The following TRPM7 variants were observed in gnomAD, a reference collection of about 807,000 sequenced individuals.
The protein encoded by TRPM7 is transient receptor potential cation channel subfamily M member 7.
Under a neutral mutation model 229.7 loss-of-function variants are expected in TRPM7, and 134 were observed. The ratio of observed to expected loss-of-function variants is 0.58; its 90% CI spans 0.51 to 0.67. The LOEUF is 0.67. Ranked by LOEUF, TRPM7 falls within the 30% of genes least tolerant of loss-of-function variation. The probability of loss-of-function intolerance (pLI) is 0.00; values close to 1 mark genes in which losing one functional copy is unlikely to be tolerated. For missense variants in TRPM7, 1,901 were observed against 2,210.0 expected, an observed-to-expected ratio of 0.86 and a Z score of 2.80; for synonymous variants, 699 against 715.2, an observed-to-expected ratio of 0.98 and a Z score of 0.36.
At chr15:50,591,413 T>TAA (rs746671965) in intron 26 of TRPM7, among the ~76,000 whole-genome samples, 1 of 152,060 alleles carries the variant, frequency 6.6e-6, no homozygotes, top group Non-Finnish European at 1.5e-5. Flanking sequence ...AGACAGAACC[T>TAA]AAAATTCCAT....
chr15:50,575,250 G>T, intron 33 of TRPM7, 115 bp from the exon 34 acceptor site: 1 of 835,050 alleles, frequency 1.2e-6, no homozygotes, highest in Non-Finnish European at 1.8e-6. Flanking sequence ...AATGGACCAA[G>T]ATGTAGTTTT....
chr15:50,575,440 C>T (rs2054085064), intron 33 of TRPM7, among the ~76,000 whole-genome samples: 1 of 152,164 alleles, frequency 6.6e-6, no homozygotes, highest in Admixed American at 6.5e-5. Flanking sequence ...GTTTCATGGA[C>T]ACTGTGATGT....
chr15:50,643,171 C>A (rs1596289450), intron 5 of TRPM7, among the ~76,000 whole-genome samples, 169 bp downstream of exon 5: 1 of 152,110 alleles, frequency 6.6e-6, no homozygotes, highest in Non-Finnish European at 1.5e-5. Flanking sequence ...GGCCTGTAAT[C>A]CCAGCTACTC....
chr15:50,593,810 A>C, intron 24 of TRPM7, 61 bp from the exon 25 acceptor site: 5 of 1,508,744 alleles, frequency 3.3e-6, no homozygotes, highest in Non-Finnish European at 4.5e-6. Flanking sequence ...ACTTTAGCTC[A>C]TAATTCTTAC....
chr15:50,608,362 ATTTATTTCTAGACTTTTATG>A (rs1184160601), intron 19 of TRPM7, among the ~76,000 whole-genome samples: 1 of 41,938 alleles, frequency 2.4e-5, no homozygotes, highest in African/African-American at 1.0e-4. Flanking sequence ...TCTGTCTTTT[ATTTATTTCTAGACTTTTATG>A]TCTTGTCTCC....
At chr15:50,635,392 A>AATGGAT (rs1435386008) in intron 7 of TRPM7, among the ~76,000 whole-genome samples, 2 of 148,524 alleles carry the variant, frequency 1.3e-5, no homozygotes, top group Non-Finnish European at 3.0e-5. Flanking sequence ...AGAAAAAAGA[A>AATGGAT]ATGGCTCACG....
chr15:50,594,556 A>T lies in TRPM7; in HGVS notation c.3348T>A (p.Tyr1116Ter). The change falls in exon 24 of 39, where the codon TAT becomes TAA. Residue 1116 changes from tyrosine to a stop codon, truncating the protein, a stop_gained. Coordinates refer to ENST00000646667, the MANE Select transcript of TRPM7 (RefSeq NM_017672.6). LOFTEE classifies it high-confidence loss of function. ...TCTCATGATAAGCCATAATAAAATG[A>T]TAACGCTGGTACTTCCATACAATAT... Reference protein sequence around the residue: ...ISNIVWKYQRYHFIMAYHEKP... With the variant: ...ISNIVWKYQR The T allele has an allele frequency of 6.2e-7, 1 of 1,612,868 alleles. No individual in the cohort carries two copies. Among genetic ancestry groups the T allele is most frequent in the Non-Finnish European group, 8.5e-7 (1 of 1,179,340 alleles).
intron 27 of TRPM7, among the ~76,000 whole-genome samples, chr15:50,586,891 C>T (rs960310257): frequency 2.0e-5 from 3 of 152,136 alleles, no homozygotes; most frequent in Non-Finnish European, 2.9e-5. Flanking sequence ...TGGCGCATGC[C>T]TGTAGTCCCA....
chr15:50,655,352 G>C (rs1011021202), intron 3 of TRPM7, among the ~76,000 whole-genome samples: 1 of 148,568 alleles, frequency 6.7e-6, no homozygotes, highest in African/African-American at 2.5e-5. Context: ...AGAATTGCTT[G>C]AACCTGGGAG....
chr15:50,610,098 G>GA (rs972569566), intron 17 of TRPM7, 137 bp from the exon 18 acceptor site: 42 of 609,398 alleles, frequency 6.9e-5, no homozygotes, highest in African/African-American at 1.7e-4. Flanking sequence ...GCAGTAGAGG[G>GA]AAAAAAAACA....
chr15:50,575,034 A>G lies in TRPM7; in HGVS notation c.4837T>C (p.Phe1613Leu). ...SQLGLCAKIEFLSKEEMGGGL... is the reference protein window; with the variant it reads ...SQLGLCAKIELLSKEEMGGGL... ...CCTCCCATCTCCTCTTTGCTTAAAA[A>G]CTCTATTTTGGCACAGAGGCCTAGT... The change falls in exon 34 of 39, where the codon TTT becomes CTT. Residue 1613 changes from phenylalanine (F) to leucine (L), a missense_variant. By Grantham distance (22) the Phe-to-Leu change is conservative. Coordinates refer to ENST00000646667, the MANE Select transcript of TRPM7 (RefSeq NM_017672.6). 1 of 1,613,290 alleles carries G rather than the reference A, an allele frequency of 6.2e-7. No homozygotes were observed. The highest frequency in any genetic ancestry group is 8.5e-7 in the Non-Finnish European group (1 of 1,179,834).
At chr15:50,661,365 G>C (rs1471179482) in intron 2 of TRPM7, among the ~76,000 whole-genome samples, 1 of 152,062 alleles carries the variant, frequency 6.6e-6, no homozygotes, top group African/African-American at 2.4e-5. Context: ...TAAAACAAAA[G>C]CAATACACTG....
At chr15:50,654,421 T>A (rs1026748166) in intron 3 of TRPM7, among the ~76,000 whole-genome samples, 62 of 151,106 alleles carry the variant, frequency 4.1e-4, no homozygotes, top group African/African-American at 1.5e-3. Context: ...CACTCCAGCC[T>A]GGGCAACAGA....
At position 50,575,701 on chromosome 15, in the gene TRPM7, ATTTC is replaced by A. The variant is rs763961678; in HGVS notation, c.4735+19_4735+22del. On this transcript the variant is annotated intron_variant, in intron 33 of 38. Transcript: ENST00000646667. ...TTAAAGGGTTAATTTTCACTTATTTATTTCTTTAATTTTTGGATTTACCTCTTGG... is the reference window on the plus strand; with the variant it reads ...TTAAAGGGTTAATTTTCACTTATTTATTTAATTTTTGGATTTACCTCTTGG... 2.9e-5 allele frequency: 47 copies of A among 1,595,774 alleles called. No individual in the cohort carries two copies. The highest frequency in any genetic ancestry group is 3.8e-5 in the Non-Finnish European group (45 of 1,169,464).
chr15:50,666,680 T>G (rs1030805961), intron 1 of TRPM7, among the ~76,000 whole-genome samples: 1 of 151,880 alleles, frequency 6.6e-6, no homozygotes, highest in South Asian at 2.1e-4. Context: ...TGCATGCCTA[T>G]AATCGCAGCT....
chr15:50,593,585 T>C (rs374260570), intron 25 of TRPM7, 32 bp downstream of exon 25: 10 of 1,597,814 alleles, frequency 6.3e-6, no homozygotes, highest in Non-Finnish European at 8.5e-6. Flanking sequence ...CATTTTGACA[T>C]ATAACCGATT....
chr15:50,565,388 GA>G (rs1368456718), intron 38 of TRPM7, among the ~76,000 whole-genome samples: 1 of 151,796 alleles, frequency 6.6e-6, no homozygotes, highest in African/African-American at 2.4e-5. Flanking sequence ...TGTATGTTTT[GA>G]AAAAAAGACT....
chr15:50,663,180 G>A, intron 1 of TRPM7, 134 bp from the exon 2 acceptor site: 2 of 650,072 alleles, frequency 3.1e-6, no homozygotes. Flanking sequence ...CCAGACTGGA[G>A]AGCAATGGTG....
intron 1 of TRPM7, among the ~76,000 whole-genome samples, chr15:50,682,238 T>C (rs1300518786): frequency 2.1e-5 from 3 of 145,540 alleles, no homozygotes; most frequent in Non-Finnish European, 4.5e-5. Flanking sequence ...TCTTGACTTA[T>C]CAACTTCAAA....
Sources: gnomAD v4.1 joint callset for allele counts (sites outside exome capture counted in the v4.1 genomes callset) on GRCh38, gnomAD v4.1.1 for gene constraint, MANE v1.5 for transcripts, NCBI Gene and HGNC (gene_info 2026-07-23, HGNC 2026-07-21) for gene names.